BROX: variants seen among roughly 807,000 people sequenced by gnomAD.
The protein encoded by BROX is BRO1 domain and CAAX motif containing, also known as BRO1 domain-containing protein BROX.
Under a neutral mutation model 61.0 loss-of-function variants are expected in BROX, and 53 were observed. The observed-to-expected ratio is 0.87, with a 90% CI of 0.70 to 1.09. The LOEUF is 1.09. BROX is among the 50% of genes least tolerant of loss of function. BROX has a pLI of 0.00. For missense variants in BROX, 489 were observed against 472.0 expected, an observed-to-expected ratio of 1.04 and a Z score of -0.33; for synonymous variants, 152 against 160.2, an observed-to-expected ratio of 0.95 and a Z score of 0.38.
Position 222,725,570 on chromosome 1 carries a change from G to T in BROX, c.580+15G>T. 6.4e-7 allele frequency: 1 copy of T among 1,557,658 alleles called. No homozygotes were observed. Among genetic ancestry groups the T allele is most frequent in the East Asian group, 2.3e-5 (1 of 44,362 alleles). On this transcript the variant is annotated intron_variant, in intron 7 of 12. Coordinates refer to ENST00000340934, the MANE Select transcript of BROX (RefSeq NM_144695.4). The stretch of plus-strand genomic sequence containing the variant: ...AGCTCAAGAAGGTATCCTAAATATT[G>T]TAAGATTTTTTTAAATGAAAGTCTA...
rs749868701 is a variant in BROX at position 222,716,833 on chromosome 1, A to G, written c.101+1033A>G. ...TTTCTGTCAGGAAAACCTTTGTGCT[A>G]GTGATAGTGAGTAGAGCAGTTTGGC... On this transcript the variant is annotated intron_variant, in intron 2 of 12. Transcript: ENST00000340934. Among the ~76,000 whole-genome samples the G allele has an allele frequency of 4.1e-4, 62 of 152,370 alleles. 1 individual carries two copies. The highest frequency in any genetic ancestry group is 6.8e-3 in the Middle Eastern group (2 of 294).
chr1:222,713,233 G>GA (rs1189019915), intron 1 of BROX: 2 of 986,184 alleles, frequency 2.0e-6, no homozygotes, highest in Non-Finnish European at 2.4e-6. Flanking sequence ...GCCGTTGTCT[G>GA]GCCACCTCTC....
At position 222,718,971 on chromosome 1, in the gene BROX, T is replaced by A. The variant is rs762904375; in HGVS notation, c.148T>A (p.Leu50Met). The change falls in exon 3 of 13, where the codon TTG becomes ATG. Residue 50 changes from leucine (L) to methionine (M), a missense_variant. Leu to Met is a conservative substitution (Grantham distance 15, BLOSUM62 2). Transcript: ENST00000340934. ...ACGACTCCTTGAACTGTTCACTGAT[T>A]TGAGCTGTAATCCAGAAATGATGAA... is the stretch of plus-strand genomic sequence containing the variant. ...RARLLELFTD[L>M]SCNPEMMKNA... 3 of 1,613,958 alleles carry A rather than the reference T, an allele frequency of 1.9e-6. No individual in the cohort carries two copies. The highest frequency in any genetic ancestry group is 2.5e-6 in the Non-Finnish European group (3 of 1,179,916).
At position 222,731,478 on chromosome 1, in the gene BROX, G is replaced by C; in HGVS notation, c.1111G>C (p.Ala371Pro). 1 of 1,601,566 alleles carries C rather than the reference G, an allele frequency of 6.2e-7. No homozygotes were observed. Reference protein sequence around the residue: ...TSVQWTPETLAAFDLTKRPKD... With the variant: ...TSVQWTPETLPAFDLTKRPKD... The stretch of plus-strand genomic sequence containing the variant: ...TGTTCAGTGGACACCAGAAACATTG[G>C]CTGCATTTGATCTCACCAAAAGACC... The change falls in exon 12 of 13, where the codon GCT becomes CCT. Residue 371 changes from alanine (A) to proline (P), a missense_variant. By Grantham distance (27) the Ala-to-Pro change is conservative. Coordinates refer to ENST00000340934, the MANE Select transcript of BROX (RefSeq NM_144695.4).
Position 222,719,470 on chromosome 1 carries a change from G to A in BROX, c.305+111G>A, listed in dbSNP as rs74946022. The A allele has an allele frequency of 2.0e-3, 1,412 of 701,114 alleles. 26 individuals carry two copies. The highest frequency in any genetic ancestry group is 0.017 in the South Asian group (854 of 49,796). The allele number at this position is 701,114 out of a possible 1,614,324, so 43.4% of individuals were successfully genotyped here. A position where few individuals can be genotyped will look rare whatever the true frequency, so the allele number is the denominator to read the frequency against. On this transcript the variant is annotated intron_variant, in intron 4 of 12. Transcript: ENST00000340934. Reference sequence around the variant, plus strand: ...GAAGAAAAATACAGGTCTGCTCAGCGTTTTCTCTTACCAGGAAATTAATTA... The same window carrying A: ...GAAGAAAAATACAGGTCTGCTCAGCATTTTCTCTTACCAGGAAATTAATTA...
chr1:222,724,250 A>C, intron 6 of BROX, 86 bp downstream of exon 6: 1 of 1,088,002 alleles, frequency 9.2e-7, no homozygotes, highest in Non-Finnish European at 1.3e-6. Context: ...TGGGGAAAGA[A>C]TTGTTTCATT....
intron 4 of BROX, among the ~76,000 whole-genome samples, chr1:222,721,488 G>C (rs1299012819): frequency 2.0e-5 from 3 of 150,966 alleles, no homozygotes; most frequent in Non-Finnish European, 4.4e-5. Context: ...CTTCTTTTTG[G>C]GTAGCTTTTC....
At chr1:222,732,565 G>T (rs1449224125) in intron 12 of BROX, 63 bp from the exon 13 acceptor site, 2 of 1,191,988 alleles carry the variant, frequency 1.7e-6, no homozygotes, top group Admixed American at 2.1e-5. Flanking sequence ...AAGTGGAAAA[G>T]ATTTAGTGTT....
Position 222,712,781 on chromosome 1 carries a change from T to C in BROX, c.-178T>C. The C allele has an allele frequency of 7.8e-7, 1 of 1,289,420 alleles. No homozygotes were observed. The allele number at this position is 1,289,420 out of a possible 1,614,324, so 79.9% of individuals were successfully genotyped here. A position where few individuals can be genotyped will look rare whatever the true frequency, so the allele number is the denominator to read the frequency against. ...CGCACTACCGCCTCGGTAGCTATCA[T>C]GGCCGCCGGGTCACGTGACTCCGGC... On this transcript the variant is annotated 5_prime_UTR_variant, in exon 1 of 13. It removes an upstream start codon present in the reference 5' UTR. Coordinates refer to ENST00000340934, the MANE Select transcript of BROX (RefSeq NM_144695.4).
chr1:222,720,641 G>C (rs1219041810), intron 4 of BROX, among the ~76,000 whole-genome samples: 1 of 151,894 alleles, frequency 6.6e-6, no homozygotes, highest in African/African-American at 2.4e-5. Flanking sequence ...GTAAAACACT[G>C]TCTCTACTAA....
chr1:222,715,823 T>C (rs772618131), intron 2 of BROX, 23 bp downstream of exon 2: 3 of 1,462,392 alleles, frequency 2.1e-6, no homozygotes, highest in Middle Eastern at 1.8e-4. Flanking sequence ...ATTGAACCAC[T>C]CTTAGATGCA....
intron 7 of BROX, 113 bp downstream of exon 7, chr1:222,725,668 G>T: frequency 1.3e-6 from 1 of 759,224 alleles, no homozygotes; most frequent in South Asian, 2.3e-5. Flanking sequence ...CCAGCACTTT[G>T]GGAGGTCTAG....
At position 222,724,179 on chromosome 1, in the gene BROX, C is replaced by T; in HGVS notation, c.474+15C>T. The stretch of plus-strand genomic sequence containing the variant: ...AACATTTAAAGGTAAAACAAACAAA[C>T]AAAAACCATTATTTGTTCTTAATGC... On this transcript the variant is annotated intron_variant, in intron 6 of 12. Transcript: ENST00000340934. The T allele has an allele frequency of 6.3e-7, 1 of 1,583,988 alleles. No homozygotes were observed. The highest frequency in any genetic ancestry group is 8.6e-7 in the Non-Finnish European group (1 of 1,162,196).
At chr1:222,720,094 T>G (rs755258062) in intron 4 of BROX, among the ~76,000 whole-genome samples, 2 of 152,138 alleles carry the variant, frequency 1.3e-5, no homozygotes, top group African/African-American at 4.8e-5. Context: ...GTATGAACAT[T>G]GGGTTTGTAC....
intron 1 of BROX, chr1:222,713,342 C>G: frequency 8.1e-6 from 8 of 985,576 alleles, no homozygotes; most frequent in Non-Finnish European, 9.6e-6. Context: ...CTGCCTCGAA[C>G]GGGACTGGGC....
intron 11 of BROX, among the ~76,000 whole-genome samples, chr1:222,730,762 T>C (rs945481587): frequency 1.3e-5 from 2 of 152,204 alleles, no homozygotes; most frequent in Non-Finnish European, 2.9e-5. Context: ...ACACTCACAG[T>C]GTCCTCATTT....
In BROX at chr1:222,729,653, A is replaced by G. The variant is rs1024926921; in HGVS notation, c.790A>G (p.Ser264Gly). Reference protein sequence around the residue: ...YCYHGETLLASDKCGEAIRSL... With the variant: ...YCYHGETLLAGDKCGEAIRSL... ...TTACCATGGTGAGACTTTATTGGCTAGTGATAAATGCGGTGAAGCAATCAG... is the reference window on the plus strand; with the variant it reads ...TTACCATGGTGAGACTTTATTGGCTGGTGATAAATGCGGTGAAGCAATCAG... The change falls in exon 10 of 13, where the codon AGT (serine) becomes GGT (glycine). Residue 264 changes from serine to glycine, a missense_variant. Coordinates refer to ENST00000340934, the MANE Select transcript of BROX (RefSeq NM_144695.4). The G allele has an allele frequency of 1.2e-6, 2 of 1,613,170 alleles. No homozygotes were observed. The highest frequency in any genetic ancestry group is 1.7e-6 in the Non-Finnish European group (2 of 1,179,336).
intron 1 of BROX, chr1:222,715,362 TC>T (rs908621923): frequency 6.5e-6 from 1 of 154,436 alleles, no homozygotes; most frequent in African/African-American, 2.4e-5. Context: ...CAAATGCTCT[TC>T]TGCTTTTTTT....
chr1:222,712,606 G>C lies in BROX; in HGVS notation c.-353G>C. 1 of 1,341,844 alleles carries C rather than the reference G, an allele frequency of 7.5e-7. No homozygotes were observed. The highest frequency in any genetic ancestry group is 9.7e-7 in the Non-Finnish European group (1 of 1,029,802). The allele number at this position is 1,341,844 out of a possible 1,614,324, so 83.1% of individuals were successfully genotyped here. A position where few individuals can be genotyped will look rare whatever the true frequency, so the allele number is the denominator to read the frequency against. On this transcript the variant is annotated 5_prime_UTR_variant, in exon 1 of 13. Coordinates refer to ENST00000340934, the MANE Select transcript of BROX (RefSeq NM_144695.4). ...CATCGCTATTGCGGCATTCTCCCTC[G>C]GCTCCGGAGGTAGGGGCAACTCTTC... is the stretch of plus-strand genomic sequence containing the variant.
Sources: gnomAD v4.1 joint callset for allele counts (sites outside exome capture counted in the v4.1 genomes callset) on GRCh38, gnomAD v4.1.1 for gene constraint, MANE v1.5 for transcripts, NCBI Gene and HGNC (gene_info 2026-07-23, HGNC 2026-07-21) for gene names.